The following MORN4 variants were observed in gnomAD, a reference collection of about 807,000 sequenced individuals.
The protein encoded by MORN4 is MORN repeat-containing protein 4.
A neutral mutation model predicts 16.4 loss-of-function variants in MORN4; 8 were observed. The observed-to-expected ratio is 0.49, with a 90% CI of 0.29 to 0.88. The LOEUF (loss-of-function observed/expected upper bound fraction) is 0.88, where lower values mean the gene tolerates loss of function less well. Among genes scored for constraint, MORN4 ranks in the 40% least tolerant of loss-of-function variants. The pLI, the probability that MORN4 is intolerant of heterozygous loss-of-function variation, is 0.09. For missense variants in MORN4, 159 were observed against 182.9 expected (o/e 0.87, Z 0.75); for synonymous variants, 53 against 68.9 (o/e 0.77, Z 1.14).
chr10:97,631,669 C>G (rs1042850324), intron 1 of MORN4, among the ~76,000 whole-genome samples: 2 of 151,344 alleles, frequency 1.3e-5, no homozygotes, highest in Non-Finnish European at 2.9e-5. Context: ...CATGATGGCT[C>G]ACTCCTGTAA....
chr10:97,619,383 T>C, intron 2 of MORN4: 1 of 596,138 alleles, frequency 1.7e-6, no homozygotes, highest in Non-Finnish European at 3.0e-6. Flanking sequence ...AAGATATAAC[T>C]CATTCCTGGA....
chr10:97,620,488 CAAA>C (rs1210683127), intron 1 of MORN4, among the ~76,000 whole-genome samples: 2 of 41,208 alleles, frequency 4.9e-5, no homozygotes, highest in South Asian at 8.8e-4. Context: ...GACTCTGTCT[CAAA>C]AAAAAAAAAA....
At position 97,625,799 on chromosome 10, in the gene MORN4, G is replaced by C. The variant is rs1054524894; in HGVS notation, c.-30-6116C>G. On this transcript the variant is annotated intron_variant, in intron 1 of 4. Transcript: ENST00000307450. ...TTGTTTTTTAAGGAGACAGTGTGTCGCTCTGTTGCCCATGCTGGTGTGCAA... is the reference window on the plus strand; with the variant it reads ...TTGTTTTTTAAGGAGACAGTGTGTCCCTCTGTTGCCCATGCTGGTGTGCAA... Among the ~76,000 whole-genome samples the C allele has an allele frequency of 2.0e-5, 3 of 152,192 alleles. No individual in the cohort carries two copies. In the East Asian group the frequency reaches 5.8e-4, roughly 29 times the overall value.
intron 1 of MORN4, among the ~76,000 whole-genome samples, chr10:97,623,048 C>T (rs957424604): frequency 5.9e-5 from 9 of 151,978 alleles, no homozygotes; most frequent in Non-Finnish European, 1.2e-4. Flanking sequence ...CCACATCTAG[C>T]TACCTCCTCA....
Position 97,633,439 on chromosome 10 carries a change from G to A in MORN4, c.-123C>T, listed in dbSNP as rs2041414993. The stretch of plus-strand genomic sequence containing the variant: ...CTGATGGGCTCCCGGCTGCCACCTT[G>A]CTCTCCGCCACCTCCACCAGCGATT... On this transcript the variant is annotated 5_prime_UTR_variant, in exon 1 of 5. The change creates a premature stop within an existing upstream ORF in the 5' untranslated region. Coordinates refer to ENST00000307450, the MANE Select transcript of MORN4 (RefSeq NM_178832.4). This position sits in a 1 kb window ranked among gnomAD's most constrained non-coding sequence, Gnocchi z 4.5. 7.8e-7 allele frequency: 1 copy of A among 1,289,748 alleles called. No homozygotes were observed. The highest frequency in any genetic ancestry group is 2.3e-5 in the Admixed American group (1 of 43,552). The allele number at this position is 1,289,748 out of a possible 1,614,324, so 79.9% of individuals were successfully genotyped here. A position where few individuals can be genotyped will look rare whatever the true frequency, so the allele number is the denominator to read the frequency against.
At chr10:97,623,344 C>T (rs957398793) in intron 1 of MORN4, among the ~76,000 whole-genome samples, 1 of 152,158 alleles carries the variant, frequency 6.6e-6, no homozygotes, top group African/African-American at 2.4e-5. Flanking sequence ...CTTTGGGAGG[C>T]TGAGCAGGGA....
At chr10:97,621,734 G>A (rs1036834510) in intron 1 of MORN4, among the ~76,000 whole-genome samples, 95 of 151,950 alleles carry the variant, frequency 6.3e-4, no homozygotes, top group African/African-American at 2.2e-3. Flanking sequence ...GCGTGGTGGC[G>A]GGTGCCTGTA....
chr10:97,624,608 G>A (rs1288252292), intron 1 of MORN4, among the ~76,000 whole-genome samples: 1 of 152,170 alleles, frequency 6.6e-6, no homozygotes, highest in Non-Finnish European at 1.5e-5. Flanking sequence ...TTGTTGAGAT[G>A]GGTATCGCTA....
At chr10:97,621,423 T>C (rs2041292516) in intron 1 of MORN4, among the ~76,000 whole-genome samples, 4 of 152,074 alleles carry the variant, frequency 2.6e-5, no homozygotes, top group African/African-American at 9.7e-5. Context: ...GTAAGGAAAA[T>C]GAATGTGGTA....
chr10:97,631,088 G>A (rs918354332), intron 1 of MORN4, among the ~76,000 whole-genome samples: 4 of 152,238 alleles, frequency 2.6e-5, no homozygotes, highest in African/African-American at 9.6e-5. Context: ...CTGGGATCAA[G>A]TGATCTGCCT....
intron 1 of MORN4, among the ~76,000 whole-genome samples, chr10:97,629,727 C>T (rs1296772525): frequency 1.3e-5 from 2 of 152,074 alleles, no homozygotes; most frequent in Non-Finnish European, 2.9e-5. Flanking sequence ...CCCACAGAAT[C>T]CATGAGCATC....
At chr10:97,624,458 C>A (rs1019849280) in intron 1 of MORN4, among the ~76,000 whole-genome samples, 4 of 152,092 alleles carry the variant, frequency 2.6e-5, no homozygotes, top group Non-Finnish European at 4.4e-5. Context: ...AGTTACCCAG[C>A]CTGGAATGCA....
intron 1 of MORN4, among the ~76,000 whole-genome samples, chr10:97,629,482 C>A (rs996683820): frequency 6.6e-6 from 1 of 152,198 alleles, no homozygotes; most frequent in Non-Finnish European, 1.5e-5. Context: ...ACCCGAGCCA[C>A]CACATAAAAA....
At chr10:97,621,657 T>C (rs1298720400) in intron 1 of MORN4, among the ~76,000 whole-genome samples, 1 of 151,890 alleles carries the variant, frequency 6.6e-6, no homozygotes, top group Non-Finnish European at 1.5e-5. Flanking sequence ...AGTGGGTGGA[T>C]CACCTGAACC....
chr10:97,630,082 G>A (rs1442334232), intron 1 of MORN4, among the ~76,000 whole-genome samples: 1 of 152,008 alleles, frequency 6.6e-6, no homozygotes, highest in African/African-American at 2.4e-5. Flanking sequence ...CCGCCACCAT[G>A]CCCAGCTAAT....
intron 1 of MORN4, among the ~76,000 whole-genome samples, chr10:97,625,827 G>A (rs143908633): frequency 6.6e-5 from 10 of 152,162 alleles, no homozygotes; most frequent in Non-Finnish European, 1.5e-4. Flanking sequence ...GTGTGCAATC[G>A]CTTGATCATA....
chr10:97,616,611 T>G, intron 4 of MORN4, 67 bp downstream of exon 4: 2 of 1,383,492 alleles, frequency 1.4e-6, no homozygotes, highest in South Asian at 2.3e-5. Flanking sequence ...GGATTAAAAC[T>G]AAACAGGTAT....
rs1322656539 is a variant in MORN4, at chr10:97,622,693, C to CAAAAAAAAAA, written c.-30-3020_-30-3011dup. Among the ~76,000 whole-genome samples, 80 of 55,812 alleles carry CAAAAAAAAAA rather than the reference C, an allele frequency of 1.4e-3. 3 individuals carry two copies. Among genetic ancestry groups the CAAAAAAAAAA allele is most frequent in the African/African-American group, 3.9e-3 (65 of 16,584 alleles). The allele number at this position is 55,812 out of a possible 152,430, so 36.6% of individuals were successfully genotyped here. A position where few individuals can be genotyped will look rare whatever the true frequency, so the allele number is the denominator to read the frequency against. On this transcript the variant is annotated intron_variant, in intron 1 of 4. Transcript: ENST00000307450. ...TGGGCGACAGAGGGAGACCCTGTCT[C>CAAAAAAAAAA]AAAAAAAAAAAAAAAAACGGAAGAA...
intron 1 of MORN4, among the ~76,000 whole-genome samples, chr10:97,629,215 C>G (rs1170223418): frequency 6.6e-6 from 1 of 152,038 alleles, no homozygotes; most frequent in Non-Finnish European, 1.5e-5. Context: ...TGGAGAAACC[C>G]CATCTCTACT....
Sources: allele counts gnomAD v4.1 joint callset (sites outside exome capture counted in the v4.1 genomes callset), GRCh38; gene constraint gnomAD v4.1.1; non-coding constraint Gnocchi (gnomAD v3.1); transcripts MANE v1.5; gene names NCBI Gene and HGNC (gene_info 2026-07-23, HGNC 2026-07-21).